Variants in PCDHGA5 observed in about 807,000 individuals in gnomAD.
PCDHGA5 encodes protocadherin gamma subfamily A, 5.
In PCDHGA5, 36 loss-of-function variants were observed where a neutral mutation model predicts 56.7. The ratio of observed to expected loss-of-function variants is 0.64; its 90% CI spans 0.49 to 0.84. The LOEUF (loss-of-function observed/expected upper bound fraction) is 0.84. Ranked by LOEUF, PCDHGA5 falls within the 40% of genes least tolerant of loss-of-function variation. The pLI is 0.00. For synonymous variants in PCDHGA5, 563 were observed against 520.2 expected (o/e 1.08, Z -1.12); for missense variants, 1,305 against 1,201.5 (o/e 1.09, Z -1.27).
At chr5:141,482,033 C>G (rs1185284483) in intron 1 of PCDHGA5, among the ~76,000 whole-genome samples, 1 of 149,194 alleles carries the variant, frequency 6.7e-6, no homozygotes, top group African/African-American at 2.5e-5. Flanking sequence ...TGCAGTGAGC[C>G]AAGATCATGC....
intron 1 of PCDHGA5, among the ~76,000 whole-genome samples, chr5:141,448,751 T>C (rs888567097): frequency 1.3e-5 from 2 of 151,804 alleles, no homozygotes; most frequent in South Asian, 4.2e-4. Context: ...CCATCCTGGC[T>C]AACACGGTGA....
At chr5:141,421,449 G>A (rs2096574013) in intron 1 of PCDHGA5, 2 of 1,614,010 alleles carry the variant, frequency 1.2e-6, no homozygotes, top group African/African-American at 1.3e-5. Flanking sequence ...GGAAGACACA[G>A]CTTTTCGCTG....
At chr5:141,389,719 C>A (rs371194042) in intron 1 of PCDHGA5, 62 of 1,612,570 alleles carry the variant, frequency 3.8e-5, no homozygotes, top group South Asian at 1.1e-5. Flanking sequence ...GCTAGCGAGC[C>A]CGGGCTCTTC....
At position 141,366,147 on chromosome 5, in the gene PCDHGA5, ACCG is replaced by A; in HGVS notation, c.1820_1822del (p.Arg607del). Reference sequence around the variant, plus strand: ...TCAGGCCAGAACGCCTGGCTGTCCTACCGCCTGCTTAAGGCCAGCGAGCCAGGA... The same window carrying A: ...TCAGGCCAGAACGCCTGGCTGTCCTACCTGCTTAAGGCCAGCGAGCCAGGA... On this transcript the variant is annotated inframe_deletion, in exon 1 of 4. Coordinates refer to ENST00000518069, the MANE Select transcript of PCDHGA5 (RefSeq NM_018918.3). The A allele has an allele frequency of 6.2e-7, 1 of 1,614,152 alleles. No homozygotes were observed. The highest frequency in any genetic ancestry group is 2.2e-5 in the East Asian group (1 of 44,882).
rs768826451 is a variant in PCDHGA5, at chr5:141,365,329, G to T, written c.999G>T (p.Val333=). 6.2e-7 allele frequency: 1 copy of T among 1,613,968 alleles called. No homozygotes were observed. The highest frequency in any genetic ancestry group is 8.5e-7 in the Non-Finnish European group (1 of 1,179,896). ...DGGALVASAK[V]VVTVQDVNDN... Reference sequence around the variant, plus strand: ...GCGCTCTTGTTGCCAGCGCTAAGGTGGTGGTCACAGTACAGGACGTGAATG... The same window carrying T: ...GCGCTCTTGTTGCCAGCGCTAAGGTTGTGGTCACAGTACAGGACGTGAATG... Residue 333 remains valine, a synonymous_variant, in exon 1 of 4, where the codon GTG becomes GTT. Transcript: ENST00000518069.
rs373297942 is a variant in PCDHGA5, at chr5:141,431,494, C to T, written c.2422-63313C>T. On this transcript the variant is annotated intron_variant, in intron 1 of 3. Coordinates refer to ENST00000518069, the MANE Select transcript of PCDHGA5 (RefSeq NM_018918.3). This position sits in a 1 kb window ranked among gnomAD's most constrained non-coding sequence, Gnocchi z 4.8. ...ACAACGCACCAGCGTTTGCTCAGCC[C>T]GAGTACCGCGCGAGCGTTCCGGAGA... 107 of 1,613,838 alleles carry T rather than the reference C, an allele frequency of 6.6e-5. No homozygotes were observed. Among genetic ancestry groups the T allele is most frequent in the Middle Eastern group, 1.6e-4 (1 of 6,084 alleles).
At chr5:141,441,747 G>A in intron 1 of PCDHGA5, 2 of 372,470 alleles carry the variant, frequency 5.4e-6, no homozygotes, top group Non-Finnish European at 5.4e-6. Flanking sequence ...CGCGCTCGGC[G>A]TCAACGTGAG....
Position 141,491,622 on chromosome 5 carries a change from C to T in PCDHGA5, c.2422-3185C>T, listed in dbSNP as rs980546113. 15 of 1,613,786 alleles carry T rather than the reference C, an allele frequency of 9.3e-6. No individual in the cohort carries two copies. Among genetic ancestry groups the T allele is most frequent in the Non-Finnish European group, 1.3e-5 (15 of 1,180,002 alleles). Reference sequence around the variant, plus strand: ...ACTTCACTTTTCTAAGACCCCTCAGCGTTCAGCAGCCCACAGCTCTGGCGC... The same window carrying T: ...ACTTCACTTTTCTAAGACCCCTCAGTGTTCAGCAGCCCACAGCTCTGGCGC... On this transcript the variant is annotated intron_variant, in intron 1 of 3. Transcript: ENST00000518069. This position sits in a 1 kb window ranked among gnomAD's most constrained non-coding sequence, Gnocchi z 6.9.
rs532216579 is a variant in PCDHGA5, at chr5:141,419,369, T to G, written c.2421+52618T>G. 631 of 1,613,750 alleles carry G rather than the reference T, an allele frequency of 3.9e-4. 5 individuals carry two copies. In the East Asian group the frequency reaches 0.013, roughly 33 times the overall value. On this transcript the variant is annotated intron_variant, in intron 1 of 3. Coordinates refer to ENST00000518069, the MANE Select transcript of PCDHGA5 (RefSeq NM_018918.3). ...CCTGGAGTCACGAACGCTGTCGTCC[T>G]ACGTGTCCGTGAGCGCGCAGAGCGG...
chr5:141,476,523 C>G lies in PCDHGA5; in HGVS notation c.2422-18284C>G. On this transcript the variant is annotated intron_variant, in intron 1 of 3. Transcript: ENST00000518069. This position sits in a 1 kb window ranked among gnomAD's most constrained non-coding sequence, Gnocchi z 7.6. ...ATCAACGACAACAATCCTGCTTTCC[C>G]TACCCAGGAAATGAAATTGGAGATT... is the stretch of plus-strand genomic sequence containing the variant. 1 of 1,614,218 alleles carries G rather than the reference C, an allele frequency of 6.2e-7. No individual in the cohort carries two copies.
At chr5:141,421,522 A>G in intron 1 of PCDHGA5, 1 of 1,614,068 alleles carries the variant, frequency 6.2e-7, no homozygotes, top group Non-Finnish European at 8.5e-7. Context: ...GCTCTGTGAG[A>G]CGGTGTCCTC....
At chr5:141,405,543 C>T (rs1027086926) in intron 1 of PCDHGA5, 27 of 634,834 alleles carry the variant, frequency 4.3e-5, no homozygotes, top group Non-Finnish European at 7.1e-5. Flanking sequence ...CCTCAGCCTC[C>T]CAAGTAGAGT....
rs141151122 is a variant in PCDHGA5, at chr5:141,491,445, C to T, written c.2422-3362C>T. ...GAGGGCAGTGCTGCAGGCGCCAGGA[C>T]TCACCCTCCCCGGACTTCTATAAGC... is the stretch of plus-strand genomic sequence containing the variant. On this transcript the variant is annotated intron_variant, in intron 1 of 3. Transcript: ENST00000518069. This position sits in a 1 kb window ranked among gnomAD's most constrained non-coding sequence, Gnocchi z 6.9. 1 of 1,614,112 alleles carries T rather than the reference C, an allele frequency of 6.2e-7. No individual in the cohort carries two copies. The highest frequency in any genetic ancestry group is 8.5e-7 in the Non-Finnish European group (1 of 1,180,032).
rs959855220 is a variant in PCDHGA5, at chr5:141,476,280, G to A, written c.2422-18527G>A. 4 of 1,614,010 alleles carry A rather than the reference G, an allele frequency of 2.5e-6. No individual in the cohort carries two copies. In the African/African-American group the frequency reaches 5.3e-5, roughly 22 times the overall value. On this transcript the variant is annotated intron_variant, in intron 1 of 3. Transcript: ENST00000518069. This position sits in a 1 kb window ranked among gnomAD's most constrained non-coding sequence, Gnocchi z 7.6. ...GTGGGCAACGTGGTCGCGAACCTTG[G>A]TTTGGATCTCGGTAGCCTCTCAGCC...
chr5:141,438,337 T>C (rs935624931), intron 1 of PCDHGA5, among the ~76,000 whole-genome samples: 25 of 151,926 alleles, frequency 1.6e-4, no homozygotes, highest in Non-Finnish European at 1.9e-4. Context: ...ACATGTCATA[T>C]AAGGATCTAC....
chr5:141,489,159 T>G lies in PCDHGA5; in HGVS notation c.2422-5648T>G. On this transcript the variant is annotated intron_variant, in intron 1 of 3. Transcript: ENST00000518069. This position sits in a 1 kb window ranked among gnomAD's most constrained non-coding sequence, Gnocchi z 4.5. ...AGGCTGGAAGGAGACATAAGAGACT[T>G]CAGCTGCTGCATTCCAAGCCCTGGG... is the stretch of plus-strand genomic sequence containing the variant. 2 of 1,023,152 alleles carry G rather than the reference T, an allele frequency of 2.0e-6. No individual in the cohort carries two copies. Among genetic ancestry groups the G allele is most frequent in the Non-Finnish European group, 2.9e-6 (2 of 697,120 alleles). The allele number at this position is 1,023,152 out of a possible 1,614,324, so 63.4% of individuals were successfully genotyped here. A position where few individuals can be genotyped will look rare whatever the true frequency, so the allele number is the denominator to read the frequency against.
intron 1 of PCDHGA5, among the ~76,000 whole-genome samples, chr5:141,462,442 A>C (rs890167032): frequency 1.3e-5 from 2 of 152,150 alleles, no homozygotes; most frequent in African/African-American, 4.8e-5. Context: ...GCTTACACAC[A>C]ACTGTGTAAC....
chr5:141,401,689 A>G (rs2094183367), intron 1 of PCDHGA5, among the ~76,000 whole-genome samples: 1 of 152,222 alleles, frequency 6.6e-6, no homozygotes, highest in Non-Finnish European at 1.5e-5. Context: ...ATGGAAGGTG[A>G]ATACAGGATT....
intron 1 of PCDHGA5, chr5:141,384,566 A>G (rs1313512011): frequency 6.2e-7 from 1 of 1,614,244 alleles, no homozygotes; most frequent in African/African-American, 1.3e-5. Flanking sequence ...CTGGACCAGA[A>G]TGACAACCCG....
Sources: allele counts gnomAD v4.1 joint callset (sites outside exome capture counted in the v4.1 genomes callset), GRCh38; gene constraint gnomAD v4.1.1; non-coding constraint Gnocchi (gnomAD v3.1); transcripts MANE v1.5; gene names NCBI Gene and HGNC (gene_info 2026-07-23, HGNC 2026-07-21).